SUMF1: variants seen among roughly 807,000 people sequenced by gnomAD.
The protein encoded by SUMF1 is formylglycine-generating enzyme.
In SUMF1, 48 loss-of-function variants were observed where a neutral mutation model predicts 47.6. The observed-to-expected ratio is 1.01, with a 90% CI of 0.80 to 1.28. SUMF1 has a LOEUF of 1.28. SUMF1 is among the 50% of genes most tolerant of loss of function. SUMF1 has a pLI of 0.00. For synonymous variants in SUMF1, 230 were observed against 192.1 expected (o/e 1.20, Z -1.63); for missense variants, 571 against 485.4 (o/e 1.18, Z -1.66).
At chr3:4,299,088 G>C (rs1346264904) in intron 8 of SUMF1, among the ~76,000 whole-genome samples, 3 of 152,130 alleles carry the variant, frequency 2.0e-5, no homozygotes, top group Non-Finnish European at 2.9e-5. Flanking sequence ...TCATATACAT[G>C]ACTATCTCTT....
intron 8 of SUMF1, among the ~76,000 whole-genome samples, chr3:4,265,141 A>G (rs960259236): frequency 4.0e-5 from 6 of 150,692 alleles, no homozygotes; most frequent in African/African-American, 1.5e-4. Flanking sequence ...CATCTCAAAA[A>G]AAAAAAAAAA....
intron 8 of SUMF1, among the ~76,000 whole-genome samples, chr3:4,093,790 C>G (rs919864912): frequency 1.3e-5 from 2 of 151,938 alleles, no homozygotes; most frequent in African/African-American, 4.8e-5. Context: ...ATTAACAAGG[C>G]AAGGTGGAAT....
chr3:4,329,670 T>A (rs1033506292), intron 8 of SUMF1, among the ~76,000 whole-genome samples: 1 of 152,230 alleles, frequency 6.6e-6, no homozygotes, highest in Non-Finnish European at 1.5e-5. Flanking sequence ...TGATATGCCC[T>A]GGAGACATTT....
intron 8 of SUMF1, among the ~76,000 whole-genome samples, chr3:4,162,354 C>T (rs892151192): frequency 6.6e-6 from 1 of 152,196 alleles, no homozygotes; most frequent in African/African-American, 2.4e-5. Context: ...GATCCACTGG[C>T]TCTGAGCCCA....
intron 2 of SUMF1, among the ~76,000 whole-genome samples, chr3:4,450,225 G>T (rs1434706856): frequency 3.3e-5 from 5 of 152,194 alleles, no homozygotes; most frequent in Non-Finnish European, 5.9e-5. Flanking sequence ...TCTAATACAA[G>T]TAGTTCAAGA....
intron 8 of SUMF1, among the ~76,000 whole-genome samples, chr3:4,232,997 A>C (rs1273782853): frequency 6.6e-6 from 1 of 152,086 alleles, no homozygotes; most frequent in Non-Finnish European, 1.5e-5. Context: ...TTCAAATTTA[A>C]ATATGTGCAG....
intron 7 of SUMF1, among the ~76,000 whole-genome samples, chr3:4,391,411 T>C (rs1700857945): frequency 6.6e-6 from 1 of 152,218 alleles, no homozygotes; most frequent in African/African-American, 2.4e-5. Flanking sequence ...TGTGTTAAAA[T>C]TATGTTGGAA....
In SUMF1 at chr3:4,467,236, G is replaced by C. The variant is rs1420466361; in HGVS notation, c.10C>G (p.Pro4Ala). The part of the protein sequence containing the change: MAA[P>A]ALGLVCGRCP... ...CGTCCACACACCAGCCCTAGTGCGGGCGCAGCCATGTTGTCCCGCGGGCCA... is the reference window on the plus strand; with the variant it reads ...CGTCCACACACCAGCCCTAGTGCGGCCGCAGCCATGTTGTCCCGCGGGCCA... Residue 4 changes from proline to alanine, a missense_variant, in exon 1 of 9, where the codon CCC (proline) becomes GCC (alanine). Physicochemically the swap from Pro to Ala is conservative, Grantham distance 27. Transcript: ENST00000272902. 4.4e-6 allele frequency: 7 copies of C among 1,608,668 alleles called. No individual in the cohort carries two copies. In the Admixed American group the frequency reaches 1.0e-4, roughly 23 times the overall value.
intron 8 of SUMF1, among the ~76,000 whole-genome samples, chr3:4,297,774 G>T (rs1166093829): frequency 2.0e-5 from 3 of 152,012 alleles, no homozygotes; most frequent in Non-Finnish European, 4.4e-5. Context: ...AATTTCTGCT[G>T]ACTTTCCTCC....
intron 8 of SUMF1, among the ~76,000 whole-genome samples, chr3:4,290,845 G>A (rs754039633): frequency 1.3e-5 from 2 of 152,092 alleles, no homozygotes; most frequent in Non-Finnish European, 2.9e-5. Context: ...CATTCAGAAA[G>A]CTTGCAAGCT....
At chr3:4,088,075 C>G (rs914883760) in intron 8 of SUMF1, among the ~76,000 whole-genome samples, 3 of 152,030 alleles carry the variant, frequency 2.0e-5, no homozygotes, top group Non-Finnish European at 4.4e-5. Context: ...TAGGCTGATA[C>G]GTCAGTGAGA....
At chr3:4,131,703 C>T (rs1433502530) in intron 8 of SUMF1, among the ~76,000 whole-genome samples, 2 of 152,126 alleles carry the variant, frequency 1.3e-5, no homozygotes, top group Admixed American at 6.5e-5. Flanking sequence ...GGAAGAGGTA[C>T]GTGGATGAAC....
chr3:4,104,666 T>TTATCTC lies in SUMF1; in HGVS notation c.1015-35922_1015-35921insGAGATA, dbSNP rs1553600529. Among the ~76,000 whole-genome samples, 937 of 146,844 alleles carry TTATCTC rather than the reference T, an allele frequency of 6.4e-3. 11 individuals are homozygous for TTATCTC. The highest frequency in any genetic ancestry group is 0.022 in the African/African-American group (895 of 39,932). On this transcript the variant is annotated intron_variant and NMD_transcript_variant, in intron 8 of 12. Coordinates refer to the SUMF1 transcript ENST00000448413. ...CTAGAGGATCCTAGTAAATCTCGATTTCTCTCTCTCTCTCTCTCTCTCTCT... is the reference window on the plus strand; with the variant it reads ...CTAGAGGATCCTAGTAAATCTCGATTTATCTCTCTCTCTCTCTCTCTCTCTCTCTCT...
intron 8 of SUMF1, among the ~76,000 whole-genome samples, chr3:4,369,305 A>G (rs1015603897): frequency 2.0e-5 from 3 of 152,210 alleles, no homozygotes; most frequent in African/African-American, 7.2e-5. Context: ...GCTTGAAATA[A>G]TTGATAAATT....
intron 8 of SUMF1, among the ~76,000 whole-genome samples, chr3:4,318,765 G>C (rs1430278983): frequency 6.6e-6 from 1 of 152,090 alleles, no homozygotes; most frequent in Non-Finnish European, 1.5e-5. Flanking sequence ...AAAATAAGCT[G>C]GGCATAGTGG....
intron 8 of SUMF1, among the ~76,000 whole-genome samples, chr3:4,372,707 A>G (rs1004273394): frequency 1.4e-4 from 21 of 152,344 alleles, no homozygotes; most frequent in Non-Finnish European, 2.5e-4. Context: ...TAGAAAGATT[A>G]AGTAATTTGC....
chr3:4,344,013 C>G (rs908858862), intron 8 of SUMF1, among the ~76,000 whole-genome samples: 1 of 152,136 alleles, frequency 6.6e-6, no homozygotes, highest in Admixed American at 6.5e-5. Flanking sequence ...AAATGAATAG[C>G]CTTTATAGTA....
chr3:4,051,423 C>A (rs1695108755), intron 9 of SUMF1, among the ~76,000 whole-genome samples: 2 of 152,152 alleles, frequency 1.3e-5, no homozygotes, highest in South Asian at 4.1e-4. Flanking sequence ...TCCTGCTCCT[C>A]TACTGTCCAC....
chr3:4,237,902 G>A (rs1348351088), intron 8 of SUMF1, among the ~76,000 whole-genome samples: 3 of 152,066 alleles, frequency 2.0e-5, no homozygotes, highest in Non-Finnish European at 2.9e-5. Context: ...TCTACATTAG[G>A]TATTGGTCCT....
Sources: gnomAD v4.1 joint callset for allele counts (sites outside exome capture counted in the v4.1 genomes callset) on GRCh38, gnomAD v4.1.1 for gene constraint, MANE v1.5 for transcripts, NCBI Gene and HGNC (gene_info 2026-07-23, HGNC 2026-07-21) for gene names.